Variants in TEKT5 observed in about 807,000 individuals in gnomAD.
TEKT5 encodes the protein tektin 5.
Under a neutral mutation model 48.7 loss-of-function variants are expected in TEKT5, and 52 were observed. That is an observed-to-expected ratio of 1.07 (90% CI 0.86 to 1.35). TEKT5 has a LOEUF of 1.35. Ranked by LOEUF, TEKT5 falls within the 40% of genes most tolerant of loss-of-function variation. The pLI is 0.00. For missense variants in TEKT5, 831 were observed against 641.6 expected (o/e 1.30, Z -3.19); for synonymous variants, 318 against 267.6 (o/e 1.19, Z -1.84).
At chr16:10,654,699 G>C (rs755229968) in intron 5 of TEKT5, among the ~76,000 whole-genome samples, 6 of 152,042 alleles carry the variant, frequency 3.9e-5, no homozygotes, top group Non-Finnish European at 7.4e-5. Context: ...TTAGACCTTA[G>C]GACTGGAACT....
At chr16:10,690,482 T>C in intron 1 of TEKT5, 2 of 804,172 alleles carry the variant, frequency 2.5e-6, no homozygotes, top group Non-Finnish European at 3.0e-6. Flanking sequence ...ACCTCTCTGC[T>C]GGTTTCCTCC....
At chr16:10,672,526 G>A (rs35251258) in intron 5 of TEKT5, among the ~76,000 whole-genome samples, 15,751 of 152,218 alleles carry the variant, frequency 0.1, 835 homozygotes, top group Non-Finnish European at 0.12. Flanking sequence ...AACCAGGGAG[G>A]CAGAGGTTGC....
At chr16:10,693,699 TGGGCCA>T (rs1188716186) in intron 1 of TEKT5, among the ~76,000 whole-genome samples, 2 of 152,212 alleles carry the variant, frequency 1.3e-5, no homozygotes, top group Admixed American at 6.5e-5. Flanking sequence ...AAGGCAGTTA[TGGGCCA>T]GGCACAGTGG....
At chr16:10,663,206 A>G (rs1843744580) in intron 5 of TEKT5, among the ~76,000 whole-genome samples, 1 of 152,238 alleles carries the variant, frequency 6.6e-6, no homozygotes, top group South Asian at 2.1e-4. Flanking sequence ...TGGCTGGACT[A>G]GAAATCCACC....
chr16:10,640,652 G>A (rs898951703), intron 5 of TEKT5, among the ~76,000 whole-genome samples: 1 of 152,098 alleles, frequency 6.6e-6, no homozygotes, highest in African/African-American at 2.4e-5. Flanking sequence ...GGCAACCACT[G>A]ATCATAGATA....
chr16:10,654,520 G>GCGGT (rs1898223874), intron 5 of TEKT5, among the ~76,000 whole-genome samples: 1 of 152,218 alleles, frequency 6.6e-6, no homozygotes, highest in Non-Finnish European at 1.5e-5. Context: ...CATGTCCAAC[G>GCGGT]TAGGCAGGCA....
chr16:10,643,498 T>C (rs1596402956), intron 5 of TEKT5, among the ~76,000 whole-genome samples: 3 of 152,364 alleles, frequency 2.0e-5, no homozygotes, highest in Middle Eastern at 6.8e-3. Flanking sequence ...ATACTATTCA[T>C]GCTATAGCCT....
At chr16:10,670,857 T>TTTTATTTATTTA (rs199906550) in intron 5 of TEKT5, among the ~76,000 whole-genome samples, 2 of 151,778 alleles carry the variant, frequency 1.3e-5, no homozygotes, top group African/African-American at 4.8e-5. Context: ...GAATTTTTAT[T>TTTTATTTATTTA]TTTATTTATT....
At position 10,676,773 on chromosome 16, in the gene TEKT5, G is replaced by A. The variant is rs115614413; in HGVS notation, c.864-592C>T. Reference sequence around the variant, plus strand: ...TGCCAAGCATTGTTCCAGGCAGTTAGGAGAGAGCCATGAACAAGAACGGCA... The same window carrying A: ...TGCCAAGCATTGTTCCAGGCAGTTAAGAGAGAGCCATGAACAAGAACGGCA... On this transcript the variant is annotated intron_variant, in intron 4 of 6. Transcript: ENST00000283025. 5.2e-3 allele frequency among the ~76,000 whole-genome samples: 798 copies of A among 152,352 alleles called. 5 individuals carry two copies. Among genetic ancestry groups the A allele is most frequent in the African/African-American group, 0.018 (768 of 41,578 alleles).
At position 10,675,964 on chromosome 16, in the gene TEKT5, C is replaced by T. The variant is rs150931807; in HGVS notation, c.1081G>A (p.Ala361Thr). The change falls in exon 5 of 7, where the codon GCG becomes ACG. Residue 361 changes from alanine (A) to threonine (T), a missense_variant. Physicochemically the swap from Ala to Thr is moderately conservative, Grantham distance 58. Transcript: ENST00000283025. ...DVKNKLQTQL[A>T]KTLQEIFQAE... ...TCCTGGGAGGATCTGCTCACCTTCG[C>T]CAGCTGCGTCTGCAGCTTATTCTTC... is the stretch of plus-strand genomic sequence containing the variant. 70 of 1,613,918 alleles carry T rather than the reference C, an allele frequency of 4.3e-5. 1 individual carries two copies. In the Admixed American group the frequency reaches 4.7e-4, roughly 11 times the overall value.
At chr16:10,687,666 A>C (rs936801655) in intron 3 of TEKT5, among the ~76,000 whole-genome samples, 7 of 152,208 alleles carry the variant, frequency 4.6e-5, no homozygotes, top group African/African-American at 1.7e-4. Context: ...GGCAGGAGAA[A>C]CGCATGAATC....
intron 1 of TEKT5, among the ~76,000 whole-genome samples, chr16:10,691,107 G>A (rs1346935264): frequency 6.6e-6 from 1 of 152,240 alleles, no homozygotes; most frequent in Non-Finnish European, 1.5e-5. Flanking sequence ...ACTTTGGGAA[G>A]CCAAGGTGGG....
At chr16:10,656,390 T>C (rs1898263026) in intron 5 of TEKT5, among the ~76,000 whole-genome samples, 1 of 152,200 alleles carries the variant, frequency 6.6e-6, no homozygotes, top group Non-Finnish European at 1.5e-5. Flanking sequence ...TACCTGGGAC[T>C]ACAGGCGTGT....
At chr16:10,669,331 T>C (rs1286062817) in intron 5 of TEKT5, among the ~76,000 whole-genome samples, 4 of 151,766 alleles carry the variant, frequency 2.6e-5, no homozygotes, top group Admixed American at 2.6e-4. Context: ...AGGTGGTGCA[T>C]GCCTGTAATC....
At chr16:10,670,777 C>A (rs1898536646) in intron 5 of TEKT5, among the ~76,000 whole-genome samples, 1 of 152,064 alleles carries the variant, frequency 6.6e-6, no homozygotes, top group East Asian at 1.9e-4. Flanking sequence ...AATAAAAATC[C>A]ATGAGGTTGC....
chr16:10,672,780 G>A (rs541828856), intron 5 of TEKT5, among the ~76,000 whole-genome samples: 4 of 151,978 alleles, frequency 2.6e-5, no homozygotes, highest in Admixed American at 2.6e-4. Context: ...TGCCTACTAT[G>A]TGCCCGCACT....
rs367721878 is a variant in TEKT5, at chr16:10,627,600, G to A, written c.1441C>T (p.Leu481=). 1.1e-5 allele frequency: 17 copies of A among 1,614,062 alleles called. No homozygotes were observed. Among genetic ancestry groups the A allele is most frequent in the African/African-American group, 1.3e-5 (1 of 74,960 alleles). Residue 481 remains leucine, a synonymous_variant, in exon 7 of 7, where the codon CTG becomes TTG. Coordinates refer to ENST00000283025, the MANE Select transcript of TEKT5 (RefSeq NM_144674.2). ...MRKTFPCTPR[L]VGHT is the part of the protein sequence containing the mutation. Reference sequence around the variant, plus strand: ...GGCGGTGCTCAGGTGTGGCCCACCAGGCGCGGGGTGCAGGGGAAGGTCTTA... The same window carrying A: ...GGCGGTGCTCAGGTGTGGCCCACCAAGCGCGGGGTGCAGGGGAAGGTCTTA...
At chr16:10,649,846 G>C (rs1898125059) in intron 5 of TEKT5, among the ~76,000 whole-genome samples, 1 of 152,172 alleles carries the variant, frequency 6.6e-6, no homozygotes, top group African/African-American at 2.4e-5. Context: ...CCTGCGCTTG[G>C]TACGTAGATA....
At chr16:10,656,195 C>G (rs1311035085) in intron 5 of TEKT5, among the ~76,000 whole-genome samples, 1 of 152,172 alleles carries the variant, frequency 6.6e-6, no homozygotes, top group Non-Finnish European at 1.5e-5. Context: ...CAGACGTTGC[C>G]AACTACCCCC....
Sources: gnomAD v4.1 joint callset for allele counts (sites outside exome capture counted in the v4.1 genomes callset) on GRCh38, gnomAD v4.1.1 for gene constraint, MANE v1.5 for transcripts, NCBI Gene and HGNC (gene_info 2026-07-23, HGNC 2026-07-21) for gene names.